MRPS18C: variants seen among roughly 807,000 people sequenced by gnomAD.
The protein encoded by MRPS18C is mitochondrial ribosomal protein S18C, also known as small ribosomal subunit protein bS18m.
A neutral mutation model predicts 21.0 loss-of-function variants in MRPS18C; 21 were observed. That is an observed-to-expected ratio of 1.00 (90% confidence interval 0.71 to 1.44). The LOEUF is 1.44. Among genes scored for constraint, MRPS18C ranks in the 40% most tolerant of loss-of-function variants. The pLI, the probability that MRPS18C is intolerant of heterozygous loss-of-function variation, is 0.00. For synonymous variants in MRPS18C, 65 were observed against 54.3 expected, an observed-to-expected ratio of 1.20 and a Z score of -0.87; for missense variants, 152 against 171.5, an observed-to-expected ratio of 0.89 and a Z score of 0.64.
In MRPS18C at chr4:83,461,517, G is replaced by A. The variant is rs1003456050; in HGVS notation, c.*320G>A. 3.0e-6 allele frequency: 1 copy of A among 329,760 alleles called. No individual in the cohort carries two copies. The highest frequency in any genetic ancestry group is 5.7e-6 in the Non-Finnish European group (1 of 174,290). 20.4% of individuals were successfully genotyped at this position (329,760 alleles called of 1,614,324 possible). A position where few individuals can be genotyped will look rare whatever the true frequency, so the allele number is the denominator to read the frequency against. On this transcript the variant is annotated 3_prime_UTR_variant, in exon 6 of 6. Transcript: ENST00000295491. ...TTTTCCAACTAGCAAATATAAGTAT[G>A]CCTGGTTAAGATATCTTCCCTTTGT...
Position 83,461,818 on chromosome 4 carries a change from T to G in MRPS18C, c.*621T>G, listed in dbSNP as rs1303986787. On this transcript the variant is annotated 3_prime_UTR_variant, in exon 6 of 6. Transcript: ENST00000295491. ...TCTAAACTAGGGGAGAGATTACTGT[T>G]TGTGTTGTGTTATAGTTGTGTAATA... 1 of 228,550 alleles carries G rather than the reference T, an allele frequency of 4.4e-6. No individual in the cohort carries two copies. Among genetic ancestry groups the G allele is most frequent in the Non-Finnish European group, 8.7e-6 (1 of 115,298 alleles). 14.2% of individuals were successfully genotyped at this position (228,550 alleles called of 1,614,324 possible).
At chr4:83,457,147 T>C in intron 2 of MRPS18C, 189 bp downstream of exon 2, 1 of 488,778 alleles carries the variant, frequency 2.0e-6, no homozygotes, top group Non-Finnish European at 3.6e-6. Context: ...ATTGTAGTCA[T>C]GTAGTCAGCT....
chr4:83,456,249 T>C (rs2110024865), intron 1 of MRPS18C, 72 bp downstream of exon 1: 14 of 1,151,966 alleles, frequency 1.2e-5, no homozygotes, highest in Admixed American at 1.9e-5. Flanking sequence ...GTTAGAGTCG[T>C]CCCTGTTAGC....
Position 83,456,926 on chromosome 4 carries a change from T to G in MRPS18C, c.118T>G (p.Cys40Gly), listed in dbSNP as rs754616303. Residue 40 changes from cysteine (C) to glycine (G), a missense_variant, in exon 2 of 6, where the codon TGT becomes GGT. By Grantham distance (159) the Cys-to-Gly change is radical. Transcript: ENST00000295491. ...AATCGCAGTGCTTTGGAGAAGAGGT[T>G]GTTCACAACAGGTATCCAGCAATGA... ...GTHTVLWRRGCSQQVSSNEDL... is the reference protein window; with the variant it reads ...GTHTVLWRRGGSQQVSSNEDL... 1.2e-6 allele frequency: 2 copies of G among 1,612,608 alleles called. No individual in the cohort carries two copies. The highest frequency in any genetic ancestry group is 1.7e-5 in the Admixed American group (1 of 59,990).
In MRPS18C at chr4:83,456,941, T is replaced by A. The variant is rs1375386625; in HGVS notation, c.133T>A (p.Ser45Thr). The A allele has an allele frequency of 1.2e-6, 2 of 1,612,402 alleles. No individual in the cohort carries two copies. ...LWRRGCSQQVSSNEDLPISME... is the reference protein window; with the variant it reads ...LWRRGCSQQVTSNEDLPISME... ...GAGAAGAGGTTGTTCACAACAGGTA[T>A]CCAGCAATGAGGACCTGGTAAGAAT... Residue 45 changes from serine to threonine, a missense_variant, in exon 2 of 6, where the codon TCC becomes ACC. Ser to Thr is a moderately conservative substitution (Grantham distance 58). Around this residue, in one of 2 missense-constraint regions of MRPS18C, gnomAD observed 118 missense variants for 104.4 expected, o/e 1.13. Coordinates refer to ENST00000295491, the MANE Select transcript of MRPS18C (RefSeq NM_016067.4).
chr4:83,461,371 T>C lies in MRPS18C; in HGVS notation c.*174T>C. 1.7e-6 allele frequency: 1 copy of C among 578,742 alleles called. No homozygotes were observed. Among genetic ancestry groups the C allele is most frequent in the Non-Finnish European group, 3.1e-6 (1 of 323,382 alleles). 35.9% of individuals were successfully genotyped at this position (578,742 alleles called of 1,614,324 possible). The stretch of plus-strand genomic sequence containing the variant: ...GATTGCTTATTTAAAATGTTAACAC[T>C]CATCACATTTTATCTATGTTGAATA... On this transcript the variant is annotated 3_prime_UTR_variant, in exon 6 of 6. Transcript: ENST00000295491.
At chr4:83,456,296 A>G (rs544380638) in intron 1 of MRPS18C, 119 bp downstream of exon 1, 71 of 859,734 alleles carry the variant, frequency 8.3e-5, no homozygotes, top group Middle Eastern at 4.7e-4. Context: ...AAGTTTCTCC[A>G]AGATGGGTGG....
At position 83,456,927 on chromosome 4, in the gene MRPS18C, G is replaced by A. The variant is rs778165386; in HGVS notation, c.119G>A (p.Cys40Tyr). 5 of 1,612,454 alleles carry A rather than the reference G, an allele frequency of 3.1e-6. No homozygotes were observed. The highest frequency in any genetic ancestry group is 2.5e-6 in the Non-Finnish European group (3 of 1,179,822). The change falls in exon 2 of 6, where the codon TGT (cysteine) becomes TAT (tyrosine). Residue 40 changes from cysteine (C) to tyrosine (Y), a missense_variant. Around this residue, in one of 2 missense-constraint regions of MRPS18C, gnomAD observed 118 missense variants for 104.4 expected, o/e 1.13. Coordinates refer to ENST00000295491, the MANE Select transcript of MRPS18C (RefSeq NM_016067.4). ...GTHTVLWRRG[C>Y]SQQVSSNEDL... ...ATCGCAGTGCTTTGGAGAAGAGGTT[G>A]TTCACAACAGGTATCCAGCAATGAG...
At chr4:83,459,418 T>C (rs1721991906) in intron 3 of MRPS18C, 1 of 213,240 alleles carries the variant, frequency 4.7e-6, no homozygotes, top group South Asian at 9.5e-5. Flanking sequence ...ATGTGATAGC[T>C]TGTCAGGATA....
rs1722085012 is a variant in MRPS18C, at chr4:83,461,020, G to C, written c.340G>C (p.Ala114Pro). ...AGAAATCACAAAAGCAATTAAGAGA[G>C]CTCAAATAATGGGTAAGAAAGAATA... ...QKEITKAIKR[A>P]QIMGFMPVTY... Residue 114 changes from alanine (A) to proline (P), a missense_variant, in exon 5 of 6, where the codon GCT (alanine) becomes CCT (proline). By Grantham distance (27) the Ala-to-Pro change is conservative. Coordinates refer to ENST00000295491, the MANE Select transcript of MRPS18C (RefSeq NM_016067.4). 1 of 1,612,240 alleles carries C rather than the reference G, an allele frequency of 6.2e-7. No homozygotes were observed. The highest frequency in any genetic ancestry group is 8.5e-7 in the Non-Finnish European group (1 of 1,179,342).
intron 2 of MRPS18C, chr4:83,457,820 A>G (rs1331193917): frequency 1.3e-5 from 2 of 154,926 alleles, no homozygotes; most frequent in African/African-American, 4.8e-5. Context: ...CTGTGACAAA[A>G]GCATTAGAGG....
At chr4:83,458,230 G>A in intron 2 of MRPS18C, 116 bp from the exon 3 acceptor site, 1 of 709,860 alleles carries the variant, frequency 1.4e-6, no homozygotes, top group South Asian at 1.7e-5. Flanking sequence ...TACAAAATAT[G>A]TACACAGTAA....
chr4:83,458,793 C>A (rs1299659018), intron 3 of MRPS18C: 2 of 170,174 alleles, frequency 1.2e-5, no homozygotes, highest in Non-Finnish European at 2.5e-5. Context: ...TTACTTATCT[C>A]TTGTCTAACT....
intron 2 of MRPS18C, chr4:83,457,228 C>A: frequency 1.0e-5 from 3 of 296,250 alleles, no homozygotes; most frequent in Non-Finnish European, 1.2e-5. Flanking sequence ...CTTCCTAGAT[C>A]TTAAATTTAA....
At chr4:83,460,311 C>G (rs1055840271) in intron 4 of MRPS18C, 2 of 152,268 alleles carry the variant, frequency 1.3e-5, no homozygotes, top group Non-Finnish European at 2.9e-5. Context: ...GCATGCACCA[C>G]CACGCCTGGC....
chr4:83,461,150 G>A lies in MRPS18C; in HGVS notation c.382G>A (p.Ala128Thr). The A allele has an allele frequency of 3.7e-6, 6 of 1,613,288 alleles. No homozygotes were observed. The highest frequency in any genetic ancestry group is 4.2e-6 in the Non-Finnish European group (5 of 1,179,782). Residue 128 changes from alanine to threonine, a missense_variant, in exon 6 of 6, where the codon GCA becomes ACA. Ala to Thr is a moderately conservative substitution (Grantham distance 58, BLOSUM62 0). Transcript: ENST00000295491. ...TATGCCAGTTACATACAAGGATCCT[G>A]CATATCTCAAGGACCCTAAAGTTTG... ...GFMPVTYKDPAYLKDPKVCNI... is the reference protein window; with the variant it reads ...GFMPVTYKDPTYLKDPKVCNI...
At chr4:83,456,753 T>C (rs947305971) in intron 1 of MRPS18C, among the ~76,000 whole-genome samples, 156 bp from the exon 2 acceptor site, 1 of 152,210 alleles carries the variant, frequency 6.6e-6, no homozygotes, top group Non-Finnish European at 1.5e-5. Context: ...TCTTACTCTG[T>C]CCCAAATATA....
At chr4:83,456,220 A>G (rs745997949) in intron 1 of MRPS18C, 43 bp downstream of exon 1, 8 of 1,522,394 alleles carry the variant, frequency 5.3e-6, no homozygotes, top group Non-Finnish European at 6.4e-6. Context: ...CGCTGCAGGC[A>G]TTAACCTTAG....
intron 1 of MRPS18C, 87 bp downstream of exon 1, chr4:83,456,264 C>A: frequency 1.8e-6 from 2 of 1,139,396 alleles, no homozygotes; most frequent in Non-Finnish European, 2.6e-6. Flanking sequence ...GTTAGCAAAA[C>A]GACTCTGGTT....
Sources: allele counts gnomAD v4.1 joint callset (sites outside exome capture counted in the v4.1 genomes callset), GRCh38; gene constraint gnomAD v4.1.1; regional missense constraint gnomAD v4.1.1; transcripts MANE v1.5; gene names NCBI Gene and HGNC (gene_info 2026-07-23, HGNC 2026-07-21).